The following NFIA variants were observed in gnomAD, a reference collection of about 807,000 sequenced individuals.
The protein encoded by NFIA is nuclear factor I A, also known as nuclear factor 1 A-type.
Under a neutral mutation model 62.8 loss-of-function variants are expected in NFIA, and 8 were observed. The observed-to-expected ratio is 0.13, with a 90% CI of 0.07 to 0.23. NFIA has a LOEUF of 0.23. Among genes scored for constraint, NFIA ranks in the 10% least tolerant of loss-of-function variants. The probability of loss-of-function intolerance (pLI) is 1.00; values close to 1 mark genes in which losing one functional copy is unlikely to be tolerated. For synonymous variants in NFIA, 235 were observed against 238.1 expected, an observed-to-expected ratio of 0.99 and a Z score of 0.12; for missense variants, 410 against 642.1, an observed-to-expected ratio of 0.64 and a Z score of 3.91.
intron 2 of NFIA, among the ~76,000 whole-genome samples, chr1:61,151,382 CT>C (rs60675167): frequency 1.1e-4 from 15 of 141,754 alleles, no homozygotes; most frequent in Admixed American, 3.5e-4. Flanking sequence ...GCTAATACAG[CT>C]TTTTTTTTTT....
At chr1:61,402,614 G>A (rs1665625788) in intron 7 of NFIA, among the ~76,000 whole-genome samples, 1 of 152,116 alleles carries the variant, frequency 6.6e-6, no homozygotes, top group Non-Finnish European at 1.5e-5. Flanking sequence ...ATTCAAATAG[G>A]TTATGTTTGA....
chr1:61,397,774 C>A (rs1030745414), intron 7 of NFIA, among the ~76,000 whole-genome samples: 1 of 152,176 alleles, frequency 6.6e-6, no homozygotes, highest in Non-Finnish European at 1.5e-5. Flanking sequence ...ACTCCAAAGC[C>A]CTGGTCCTTA....
At chr1:61,345,244 C>T (rs917669193) in intron 4 of NFIA, among the ~76,000 whole-genome samples, 1 of 152,140 alleles carries the variant, frequency 6.6e-6, no homozygotes. Context: ...GCCTTCAACA[C>T]AATTTATATG....
chr1:61,382,511 T>C (rs7517854), intron 6 of NFIA, among the ~76,000 whole-genome samples: 12,495 of 152,192 alleles, frequency 0.082, 938 homozygotes, highest in African/African-American at 0.2. Flanking sequence ...GCATATTGCC[T>C]TCCAGTTCTT....
intron 9 of NFIA, among the ~76,000 whole-genome samples, chr1:61,425,560 G>T (rs558459284): frequency 6.6e-6 from 1 of 152,286 alleles, no homozygotes; most frequent in Admixed American, 6.5e-5. Context: ...TACAGAGGAA[G>T]AATGTGAACA....
intron 2 of NFIA, among the ~76,000 whole-genome samples, chr1:61,149,306 A>G (rs1361009300): frequency 6.6e-6 from 1 of 152,096 alleles, no homozygotes; most frequent in Admixed American, 6.5e-5. Flanking sequence ...TTTTGTTTGC[A>G]TCTTTTTCCT....
chr1:61,358,743 T>A (rs1283317637), intron 5 of NFIA, among the ~76,000 whole-genome samples: 5 of 152,126 alleles, frequency 3.3e-5, no homozygotes, highest in Non-Finnish European at 7.3e-5. Context: ...TTTCTGAGGT[T>A]CCAGCAGGGA....
intron 2 of NFIA, among the ~76,000 whole-genome samples, chr1:61,213,503 T>A (rs569377006): frequency 1.3e-5 from 2 of 152,320 alleles, no homozygotes; most frequent in South Asian, 4.1e-4. Flanking sequence ...AGATGATAGA[T>A]CATTTAAATC....
In NFIA at chr1:61,099,455, CT is replaced by C. The variant is rs1341232297; in HGVS notation, c.559+10779del. On this transcript the variant is annotated intron_variant, in intron 2 of 10. Transcript: ENST00000403491. Reference sequence around the variant, plus strand: ...CATTCGATTACCAACTCTTTAAACTCTTTTGGCAATTCAAGGAGGTTGCCTA... The same window carrying C: ...CATTCGATTACCAACTCTTTAAACTCTTTGGCAATTCAAGGAGGTTGCCTA... Among the ~76,000 whole-genome samples the C allele has an allele frequency of 2.0e-5, 3 of 152,292 alleles. No homozygotes were observed. The East Asian group carries it at 5.8e-4, about 29-fold the overall frequency.
chr1:61,397,191 G>A (rs1380968790), intron 7 of NFIA, among the ~76,000 whole-genome samples: 1 of 152,084 alleles, frequency 6.6e-6, no homozygotes, highest in Non-Finnish European at 1.5e-5. Context: ...GGAATTCACA[G>A]TATGTTTGGT....
intron 2 of NFIA, among the ~76,000 whole-genome samples, chr1:61,115,424 T>C (rs1390517074): frequency 6.6e-6 from 1 of 152,218 alleles, no homozygotes; most frequent in Non-Finnish European, 1.5e-5. Flanking sequence ...TTAAATGCTG[T>C]CTTACACATA....
intron 2 of NFIA, among the ~76,000 whole-genome samples, chr1:61,221,377 C>CACACTGTGT (rs1293241429): frequency 1.3e-5 from 2 of 151,994 alleles, no homozygotes; most frequent in Non-Finnish European, 2.9e-5. Context: ...GCAGCAGTTT[C>CACACTGTGT]ACACTGTGTA....
intron 10 of NFIA, among the ~76,000 whole-genome samples, chr1:61,438,681 G>T (rs1021432785): frequency 6.6e-6 from 1 of 152,030 alleles, no homozygotes; most frequent in Non-Finnish European, 1.5e-5. Context: ...TCCATACGGA[G>T]AGCTTCTGTG....
At chr1:61,419,964 G>T (rs888376391) in intron 9 of NFIA, among the ~76,000 whole-genome samples, 1 of 152,132 alleles carries the variant, frequency 6.6e-6, no homozygotes, top group African/African-American at 2.4e-5. Flanking sequence ...AATAGGACGA[G>T]GTAGCTGTAC....
chr1:61,352,455 A>G lies in NFIA; in HGVS notation c.706A>G (p.Ile236Val). The change falls in exon 5 of 11, where the codon ATA becomes GTA. Residue 236 changes from isoleucine to valine, a missense_variant. This residue lies in a region of NFIA where 298 missense variants were observed against 438.1 expected (regional missense o/e 0.68). Coordinates refer to ENST00000403491, the MANE Select transcript of NFIA (RefSeq NM_001134673.4). ...GTTTGTTTTCTTAATTCTAGCACCA[A>G]TAGCTGCAGGAACTGGCCCAAATTT... Reference protein sequence around the residue: ...TELVRVSQTPIAAGTGPNFSL... With the variant: ...TELVRVSQTPVAAGTGPNFSL... 6.2e-7 allele frequency: 1 copy of G among 1,611,102 alleles called. No individual in the cohort carries two copies. Among genetic ancestry groups the G allele is most frequent in the Non-Finnish European group, 8.5e-7 (1 of 1,177,436 alleles).
intron 2 of NFIA, among the ~76,000 whole-genome samples, chr1:61,108,528 C>T (rs1407444201): frequency 2.0e-5 from 3 of 151,562 alleles, no homozygotes; most frequent in African/African-American, 7.2e-5. Context: ...CAAATGCAAA[C>T]AGTGAGAAAG....
intron 10 of NFIA, among the ~76,000 whole-genome samples, chr1:61,436,193 C>A (rs1667319787): frequency 6.6e-6 from 1 of 152,110 alleles, no homozygotes; most frequent in Admixed American, 6.5e-5. Context: ...AGAGTGCTTA[C>A]CAAACAGGCA....
chr1:61,365,170 G>C (rs1248608241), intron 6 of NFIA, among the ~76,000 whole-genome samples: 1 of 152,176 alleles, frequency 6.6e-6, no homozygotes, highest in Non-Finnish European at 1.5e-5. Context: ...CTGAGCAACA[G>C]AGTGAGACCC....
intron 2 of NFIA, among the ~76,000 whole-genome samples, chr1:61,267,007 C>T (rs1477791697): frequency 2.0e-5 from 3 of 152,148 alleles, no homozygotes; most frequent in Non-Finnish European, 4.4e-5. Context: ...TGCCCAATTC[C>T]TCAAAGCTAA....
Sources: allele counts gnomAD v4.1 joint callset (sites outside exome capture counted in the v4.1 genomes callset), GRCh38; gene constraint gnomAD v4.1.1; regional missense constraint gnomAD v4.1.1; transcripts MANE v1.5; gene names NCBI Gene and HGNC (gene_info 2026-07-23, HGNC 2026-07-21).